CEP135: variants seen among roughly 807,000 people sequenced by gnomAD.
CEP135 encodes the protein centrosomal protein 135, also known as centrosomal protein of 135 kDa.
A neutral mutation model predicts 157.3 loss-of-function variants in CEP135; 142 were observed. The ratio of observed to expected loss-of-function variants is 0.90; its 90% CI spans 0.79 to 1.04. The LOEUF is 1.04. Ranked by LOEUF, CEP135 falls within the 50% of genes least tolerant of loss-of-function variation. The pLI, the probability that CEP135 is intolerant of heterozygous loss-of-function variation, is 0.00. For synonymous variants in CEP135, 396 were observed against 439.8 expected (o/e 0.90, Z 1.25); for missense variants, 1,317 against 1,309.2 (o/e 1.01, Z -0.09).
At chr4:56,009,399 T>C (rs1384354445) in intron 18 of CEP135, among the ~76,000 whole-genome samples, 1 of 152,160 alleles carries the variant, frequency 6.6e-6, no homozygotes, top group South Asian at 2.1e-4. Flanking sequence ...CCTGACCTCA[T>C]GATCTGCCCG....
chr4:56,025,885 T>A (rs1731142117), intron 25 of CEP135, among the ~76,000 whole-genome samples: 1 of 147,872 alleles, frequency 6.8e-6, no homozygotes, highest in Non-Finnish European at 1.5e-5. Flanking sequence ...ATTGAACACA[T>A]CCAGGTAACC....
intron 23 of CEP135, among the ~76,000 whole-genome samples, chr4:56,020,193 C>CT (rs1560425756): frequency 6.6e-6 from 1 of 152,002 alleles, no homozygotes; most frequent in Admixed American, 6.6e-5. Flanking sequence ...AAAAAGGACT[C>CT]TAAAAAGGCT....
In CEP135 at chr4:56,033,289, GT is replaced by G. The variant is rs1577923590; in HGVS notation, c.*1946del. ...CTGAATGTTCTGACCTTTTATAGAT[GT>G]TTTTGATTTTGTTTTAAATAATTTT... On this transcript the variant is annotated 3_prime_UTR_variant, in exon 26 of 26. Coordinates refer to ENST00000257287, the MANE Select transcript of CEP135 (RefSeq NM_025009.5). 1.3e-5 allele frequency: 2 copies of G among 152,108 alleles called. No individual in the cohort carries two copies. The highest frequency in any genetic ancestry group is 3.9e-4 in the East Asian group (2 of 5,186). 9.4% of individuals were successfully genotyped at this position (152,108 alleles called of 1,614,324 possible).
At position 55,971,399 on chromosome 4, in the gene CEP135, G is replaced by A. The variant is rs2109667493; in HGVS notation, c.1240G>A (p.Ala414Thr). The A allele has an allele frequency of 4.4e-6, 7 of 1,594,036 alleles. No individual in the cohort carries two copies. Among genetic ancestry groups the A allele is most frequent in the Non-Finnish European group, 6.0e-6 (7 of 1,173,852 alleles). Reference sequence around the variant, plus strand: ...ACTTAGCAAAAAAGTTGAAAGTTTTGCAGTTACAGGTAAGATGTCAAATTT... The same window carrying A: ...ACTTAGCAAAAAAGTTGAAAGTTTTACAGTTACAGGTAAGATGTCAAATTT... The part of the protein sequence containing the change: ...QRLSKKVESF[A>T]VTERQLTLEV... Residue 414 changes from alanine (A) to threonine (T), a missense_variant, in exon 10 of 26, where the codon GCA (alanine) becomes ACA (threonine). Physicochemically the swap from Ala to Thr is moderately conservative, Grantham distance 58. Transcript: ENST00000257287.
rs1034868582 is a variant in CEP135, at chr4:56,031,376, G to T, written c.*28G>T. 2.0e-5 allele frequency: 3 copies of T among 152,404 alleles called. No homozygotes were observed. The highest frequency in any genetic ancestry group is 7.2e-5 in the African/African-American group (3 of 41,406). 9.4% of individuals were successfully genotyped at this position (152,404 alleles called of 1,614,324 possible). A position where few individuals can be genotyped will look rare whatever the true frequency, so the allele number is the denominator to read the frequency against. ...CCCTTTCAGAATAATGGCTTTCAAT[G>T]AGTTCCTATGTGGATTTTTAAAAGA... On this transcript the variant is annotated 3_prime_UTR_variant, in exon 26 of 26. Transcript: ENST00000257287.
chr4:55,952,317 T>C, intron 2 of CEP135, 74 bp downstream of exon 2: 1 of 873,186 alleles, frequency 1.1e-6, no homozygotes, highest in Admixed American at 2.2e-5. Context: ...AACTTCATGC[T>C]TTGGTAAAGA....
chr4:55,954,402 G>T lies in CEP135; in HGVS notation c.472+19G>T. On this transcript the variant is annotated intron_variant, in intron 4 of 25. Coordinates refer to ENST00000257287, the MANE Select transcript of CEP135 (RefSeq NM_025009.5). ...ACTCCAGGTAAATCGATTCCTTCTC[G>T]AGACAAATTATACACATTTAATCTT... 6.4e-7 allele frequency: 1 copy of T among 1,572,778 alleles called. No homozygotes were observed.
intron 3 of CEP135, 108 bp from the exon 4 acceptor site, chr4:55,954,108 C>A: frequency 2.2e-6 from 2 of 909,536 alleles, no homozygotes; most frequent in Admixed American, 3.2e-5. Flanking sequence ...GCATAAGAAG[C>A]AGGTGGAGAC....
At chr4:55,953,375 T>C in intron 3 of CEP135, 100 bp downstream of exon 3, 1 of 882,120 alleles carries the variant, frequency 1.1e-6, no homozygotes. Flanking sequence ...GATTAGAAAA[T>C]ATAGTAGTCC....
intron 4 of CEP135, among the ~76,000 whole-genome samples, chr4:55,955,951 G>A (rs1728488783): frequency 6.6e-6 from 1 of 152,170 alleles, no homozygotes; most frequent in African/African-American, 2.4e-5. Flanking sequence ...TATGGGTGTA[G>A]TAAGAATTAT....
At chr4:56,014,378 A>G (rs1730697692) in intron 21 of CEP135, among the ~76,000 whole-genome samples, 1 of 152,208 alleles carries the variant, frequency 6.6e-6, no homozygotes, top group Non-Finnish European at 1.5e-5. Context: ...AGGGACATGA[A>G]AGGCAATTGT....
chr4:55,980,115 T>A, intron 11 of CEP135, 28 bp from the exon 12 acceptor site: 1 of 1,564,974 alleles, frequency 6.4e-7, no homozygotes, highest in Non-Finnish European at 8.8e-7. Context: ...TGGTGATGAT[T>A]ATATTTTGTT....
chr4:55,991,782 A>G (rs1268466668), intron 14 of CEP135, 152 bp from the exon 15 acceptor site: 1 of 459,838 alleles, frequency 2.2e-6, no homozygotes, highest in African/African-American at 2.0e-5. Flanking sequence ...TCTGACTCTT[A>G]GAACCTAAAC....
chr4:55,954,413 T>C (rs1194963592), intron 4 of CEP135, 30 bp downstream of exon 4: 1 of 1,563,958 alleles, frequency 6.4e-7, no homozygotes, highest in South Asian at 1.2e-5. Context: ...AGACAAATTA[T>C]ACACATTTAA....
chr4:56,008,427 A>C (rs186439027), intron 18 of CEP135, 45 bp downstream of exon 18: 3 of 1,435,394 alleles, frequency 2.1e-6, no homozygotes, highest in Admixed American at 1.8e-5. Flanking sequence ...GGAGATTTTC[A>C]GTGAATACAG....
chr4:55,990,345 G>C (rs1487334497), intron 14 of CEP135, among the ~76,000 whole-genome samples: 1 of 152,112 alleles, frequency 6.6e-6, no homozygotes, highest in African/African-American at 2.4e-5. Flanking sequence ...TCAGTCCACA[G>C]TTTTAACTGG....
At chr4:55,959,614 C>CT in intron 5 of CEP135, 68 bp from the exon 6 acceptor site, 1 of 1,318,612 alleles carries the variant, frequency 7.6e-7, no homozygotes, top group Admixed American at 1.8e-5. Context: ...AATAACACAT[C>CT]TAGCTTCGTT....
chr4:56,010,510 G>A (rs1461805607), intron 19 of CEP135, among the ~76,000 whole-genome samples: 2 of 152,152 alleles, frequency 1.3e-5, no homozygotes, highest in African/African-American at 4.8e-5. Context: ...ACCTAAAGGT[G>A]GGAGCATGAA....
intron 10 of CEP135, among the ~76,000 whole-genome samples, chr4:55,971,972 G>A (rs1001007037): frequency 2.6e-5 from 4 of 152,054 alleles, no homozygotes; most frequent in African/African-American, 9.7e-5. Flanking sequence ...CTAACATGGT[G>A]AAACCCCGTC....
Sources: gnomAD v4.1 joint callset for allele counts (sites outside exome capture counted in the v4.1 genomes callset) on GRCh38, gnomAD v4.1.1 for gene constraint, MANE v1.5 for transcripts, NCBI Gene and HGNC (gene_info 2026-07-23, HGNC 2026-07-21) for gene names.